The following CHM variants were observed in gnomAD, a reference collection of about 807,000 sequenced individuals.
CHM encodes the protein rab proteins geranylgeranyltransferase component A 1.
A neutral mutation model predicts 49.0 loss-of-function variants in CHM; 10 were observed. The ratio of observed to expected loss-of-function variants is 0.20; its 90% CI spans 0.13 to 0.35. The LOEUF is 0.35. Among genes scored for constraint, CHM ranks in the 10% least tolerant of loss-of-function variants. The pLI, the probability that CHM is intolerant of heterozygous loss-of-function variation, is 1.00. For synonymous variants in CHM, 184 were observed against 167.5 expected (o/e 1.10, Z -0.76); for missense variants, 455 against 478.4 (o/e 0.95, Z 0.46).
At chrX:85,959,948 C>T (rs1157664229) in intron 5 of CHM, among the ~76,000 whole-genome samples, 1 of 111,387 alleles carries the variant, frequency 9.0e-6, no homozygotes, top group Non-Finnish European at 1.9e-5. Flanking sequence ...AAATCAATAC[C>T]ATTCAAGTAA....
intron 2 of CHM, among the ~76,000 whole-genome samples, chrX:85,989,736 A>G (rs898801196): frequency 1.5e-5 from 1 of 65,604 alleles, no homozygotes; most frequent in African/African-American, 4.2e-5. Flanking sequence ...TAGCATATGG[A>G]AAAAAAACTC....
chrX:85,902,608 T>C (rs748706988), intron 9 of CHM, among the ~76,000 whole-genome samples: 13 of 111,633 alleles, frequency 1.2e-4, no homozygotes, highest in Non-Finnish European at 2.5e-4. Context: ...TCATATTTCA[T>C]TGAACTAGAG....
At chrX:85,988,249 A>C (rs963195604) in intron 2 of CHM, among the ~76,000 whole-genome samples, 1 of 112,450 alleles carries the variant, frequency 8.9e-6, no homozygotes, top group Non-Finnish European at 1.9e-5. Context: ...AGAACTGAAG[A>C]CAAAAACCAT....
At chrX:85,918,523 T>C (rs939918936) in intron 8 of CHM, among the ~76,000 whole-genome samples, 1 of 111,336 alleles carries the variant, frequency 9.0e-6, no homozygotes, top group Non-Finnish European at 1.9e-5. Context: ...GCTAACAATA[T>C]GATGACAGGA....
intron 5 of CHM, among the ~76,000 whole-genome samples, chrX:85,962,738 AC>A (rs1387856804): frequency 1.8e-5 from 2 of 111,257 alleles, no homozygotes; most frequent in African/African-American, 6.5e-5. Flanking sequence ...CTGTATCATG[AC>A]CCTTTAAGGC....
chrX:86,025,161 G>C (rs757905496), intron 2 of CHM, among the ~76,000 whole-genome samples: 1 of 111,658 alleles, frequency 9.0e-6, no homozygotes, highest in South Asian at 3.8e-4. Context: ...CACCAAGTCT[G>C]AGGATGTACA....
intron 12 of CHM, among the ~76,000 whole-genome samples, chrX:85,891,352 C>T (rs892609567): frequency 3.6e-5 from 4 of 112,023 alleles, no homozygotes; most frequent in African/African-American, 6.5e-5. Flanking sequence ...TTCACTGCAG[C>T]CTCTCTCACC....
At chrX:85,930,555 T>C (rs1234672648) in intron 8 of CHM, among the ~76,000 whole-genome samples, 3 of 112,400 alleles carry the variant, frequency 2.7e-5, no homozygotes, top group African/African-American at 9.7e-5. Flanking sequence ...GCTTTAGTCT[T>C]GCAAAAAGTA....
Position 85,911,334 on chromosome X carries a change from A to G in CHM, c.1171T>C (p.Cys391Arg). 9.7e-7 allele frequency: 1 copy of G among 1,031,568 alleles called. No homozygotes were observed. The highest frequency in any genetic ancestry group is 2.1e-5 in the African/African-American group (1 of 48,537). The allele number at this position is 1,031,568 out of a possible 1,213,427, so 85.0% of individuals were successfully genotyped here. ...CAATAAATTCCACCAAACACAGCAC[A>G]CATCCTAGAAAGAGAACAGAAAAAT... Reference protein sequence around the residue: ...GELPQCFCRMCAVFGGIYCLR... With the variant: ...GELPQCFCRMRAVFGGIYCLR... Residue 391 changes from cysteine (C) to arginine (R), a missense_variant, in exon 9 of 15, where the codon TGT becomes CGT. Transcript: ENST00000357749.
chrX:85,932,522 T>C (rs1356433720), intron 8 of CHM, among the ~76,000 whole-genome samples: 1 of 112,178 alleles, frequency 8.9e-6, no homozygotes. Context: ...ACATGAGTAG[T>C]GCAGTCTCAT....
intron 8 of CHM, among the ~76,000 whole-genome samples, 184 bp downstream of exon 8, chrX:85,955,969 C>T (rs180874094): frequency 5.9e-4 from 66 of 111,594 alleles, no homozygotes; most frequent in African/African-American, 2.1e-3. Context: ...CAAAAAGAGG[C>T]CACACTGAAT....
At position 85,978,607 on chromosome X, in the gene CHM, A is replaced by C. The variant is rs780267529; in HGVS notation, c.314+160T>G. On this transcript the variant is annotated intron_variant, in intron 4 of 14. Coordinates refer to ENST00000357749, the MANE Select transcript of CHM (RefSeq NM_000390.4). ...AGGTAAAATGTTATCATTATTACCTAAACAGAGACAACTGAAAGTTCCATT... is the reference window on the plus strand; with the variant it reads ...AGGTAAAATGTTATCATTATTACCTCAACAGAGACAACTGAAAGTTCCATT... 11 of 427,654 alleles carry C rather than the reference A, an allele frequency of 2.6e-5. No homozygotes were observed. The South Asian group carries it at 3.5e-4, about 13-fold the overall frequency. 35.2% of individuals were successfully genotyped at this position (427,654 alleles called of 1,213,427 possible). A position where few individuals can be genotyped will look rare whatever the true frequency, so the allele number is the denominator to read the frequency against.
intron 8 of CHM, among the ~76,000 whole-genome samples, chrX:85,916,959 T>C (rs1284039116): frequency 8.9e-6 from 1 of 112,493 alleles, no homozygotes; most frequent in East Asian, 2.8e-4. Flanking sequence ...CCCAAAGGAA[T>C]ATAAATCATT....
At chrX:85,867,088 C>A (rs750856210) in intron 14 of CHM, among the ~76,000 whole-genome samples, 5 of 111,163 alleles carry the variant, frequency 4.5e-5, no homozygotes, top group African/African-American at 1.6e-4. Flanking sequence ...TGGGAAGGGT[C>A]GGGGCAGAAT....
At chrX:86,039,361 T>C (rs1199999514) in intron 1 of CHM, among the ~76,000 whole-genome samples, 4 of 111,012 alleles carry the variant, frequency 3.6e-5, no homozygotes, top group Non-Finnish European at 7.5e-5. Flanking sequence ...CTCATGATGA[T>C]TTTAAATCCA....
chrX:85,913,372 G>GAAAGAAAGAAAGA (rs1927231960), intron 8 of CHM, among the ~76,000 whole-genome samples: 4 of 85,168 alleles, frequency 4.7e-5, no homozygotes, highest in Non-Finnish European at 9.7e-5. Flanking sequence ...AAGAAAGAAA[G>GAAAGAAAGAAAGA]AAAGAAAGAA....
intron 2 of CHM, among the ~76,000 whole-genome samples, chrX:85,989,609 G>A (rs1038790356): frequency 9.0e-6 from 1 of 110,985 alleles, no homozygotes; most frequent in Non-Finnish European, 1.9e-5. Flanking sequence ...ATCTGACAAG[G>A]GTCTAATATC....
At chrX:85,894,947 CA>C (rs1213916918) in intron 11 of CHM, among the ~76,000 whole-genome samples, 1 of 110,842 alleles carries the variant, frequency 9.0e-6, no homozygotes, top group Admixed American at 9.7e-5. Context: ...ATATATATAT[CA>C]AAACATTTGA....
chrX:86,008,491 T>A (rs981167418), intron 2 of CHM, among the ~76,000 whole-genome samples: 5 of 111,851 alleles, frequency 4.5e-5, no homozygotes, highest in Admixed American at 9.5e-5. Flanking sequence ...GTCTTCATGA[T>A]CTTGTATACA....
Sources: allele counts gnomAD v4.1 joint callset (sites outside exome capture counted in the v4.1 genomes callset), GRCh38; gene constraint gnomAD v4.1.1; transcripts MANE v1.5; gene names NCBI Gene and HGNC (gene_info 2026-07-23, HGNC 2026-07-21).